SIM2: variants seen among roughly 807,000 people sequenced by gnomAD.
SIM2 encodes the protein single-minded homolog 2.
A neutral mutation model predicts 64.8 loss-of-function variants in SIM2; 28 were observed. That is an observed-to-expected ratio of 0.43 (90% CI 0.32 to 0.59). The LOEUF (loss-of-function observed/expected upper bound fraction) is 0.59, where lower values mean the gene tolerates loss of function less well. Among genes scored for constraint, SIM2 ranks in the 20% least tolerant of loss-of-function variants. SIM2 has a pLI of 0.07. For missense variants in SIM2, 847 were observed against 871.4 expected, an observed-to-expected ratio of 0.97 and a Z score of 0.35; for synonymous variants, 408 against 391.1, an observed-to-expected ratio of 1.04 and a Z score of -0.51.
At position 36,748,780 on chromosome 21, in the gene SIM2, T is replaced by A. The variant is rs2089275227; in HGVS notation, c.*688T>A. 1 of 152,628 alleles carries A rather than the reference T, an allele frequency of 6.6e-6. No individual in the cohort carries two copies. The highest frequency in any genetic ancestry group is 2.1e-4 in the South Asian group (1 of 4,824). 9.5% of individuals were successfully genotyped at this position (152,628 alleles called of 1,614,324 possible). A position where few individuals can be genotyped will look rare whatever the true frequency, so the allele number is the denominator to read the frequency against. On this transcript the variant is annotated 3_prime_UTR_variant, in exon 11 of 11. Transcript: ENST00000290399. ...AGCTCTTACTTCCCCCTAACCCCTA[T>A]GAACTCTTGATAACACCAAGAGTAG...
At chr21:36,701,561 GC>G (rs2088497823) in intron 1 of SIM2, 1 of 152,356 alleles carries the variant, frequency 6.6e-6, no homozygotes, top group Non-Finnish European at 1.5e-5. Context: ...CTACCGCGCG[GC>G]CGCGGGGCGC....
At position 36,747,701 on chromosome 21, in the gene SIM2, C is replaced by T. The variant is rs748139645; in HGVS notation, c.1613C>T (p.Thr538Ile). 16 of 1,284,488 alleles carry T rather than the reference C, an allele frequency of 1.2e-5. No individual in the cohort carries two copies. The South Asian group carries it at 3.6e-4, about 29-fold the overall frequency. The allele number at this position is 1,284,488 out of a possible 1,614,324, so 79.6% of individuals were successfully genotyped here. ...AAAVRRFGEDTAPPSFPSCGH... is the reference protein window; with the variant it reads ...AAAVRRFGEDIAPPSFPSCGH... ...GCCGTGCGCAGGTTCGGCGAGGACA[C>T]CGCGCCCCCGAGCTTCCCGAGCTGC... Residue 538 changes from threonine to isoleucine, a missense_variant, in exon 11 of 11, where the codon ACC (threonine) becomes ATC (isoleucine). Around this residue, in one of 3 missense-constraint regions of SIM2, gnomAD observed 447 missense variants for 414.6 expected, o/e 1.08. Transcript: ENST00000290399. This position sits in a 1 kb window ranked among gnomAD's most constrained non-coding sequence, Gnocchi z 4.5.
At chr21:36,734,567 G>C (rs1463055656) in intron 7 of SIM2, among the ~76,000 whole-genome samples, 1 of 152,206 alleles carries the variant, frequency 6.6e-6, no homozygotes, top group African/African-American at 2.4e-5. Flanking sequence ...CACCATGAGT[G>C]TGCCTGCCTC....
rs571164346 is a variant in SIM2, at chr21:36,702,942, GA to G, written c.175+3034del. ...GACCAGCTTAGGACTCTGGGAGGAAGAAAAAAAAAAAAAGAATAGCATAGTC... is the reference window on the plus strand; with the variant it reads ...GACCAGCTTAGGACTCTGGGAGGAAGAAAAAAAAAAAAGAATAGCATAGTC... On this transcript the variant is annotated intron_variant, in intron 1 of 10. Transcript: ENST00000290399. 2.3e-3 allele frequency among the ~76,000 whole-genome samples: 333 copies of G among 143,244 alleles called. 2 individuals carry two copies. Among genetic ancestry groups the G allele is most frequent in the Non-Finnish European group, 4.0e-3 (262 of 66,240 alleles). The allele number at this position is 143,244 out of a possible 152,430, so 94.0% of individuals were successfully genotyped here.
At position 36,726,807 on chromosome 21, in the gene SIM2, G is replaced by A. The variant is rs539390736; in HGVS notation, c.743+489G>A. 1.8e-3 allele frequency among the ~76,000 whole-genome samples: 268 copies of A among 152,222 alleles called. No homozygotes were observed. Among genetic ancestry groups the A allele is most frequent in the African/African-American group, 5.9e-3 (244 of 41,532 alleles). ...CAGGGCTGAGGCTGGGAGCAGAGACGCTATCTACCCTGGGGGATGCTCTTC... is the reference window on the plus strand; with the variant it reads ...CAGGGCTGAGGCTGGGAGCAGAGACACTATCTACCCTGGGGGATGCTCTTC... On this transcript the variant is annotated intron_variant, in intron 6 of 10. Transcript: ENST00000290399. This position sits in a 1 kb window ranked among gnomAD's most constrained non-coding sequence, Gnocchi z 4.5.
intron 7 of SIM2, among the ~76,000 whole-genome samples, chr21:36,733,167 G>C (rs149424247): frequency 2.0e-5 from 3 of 152,296 alleles, no homozygotes; most frequent in South Asian, 2.1e-4. Flanking sequence ...TCTTCACAGC[G>C]GGCTGAAAGG....
chr21:36,729,332 T>C lies in SIM2; in HGVS notation c.744-1713T>C, dbSNP rs1053691001. 5.9e-5 allele frequency among the ~76,000 whole-genome samples: 9 copies of C among 152,176 alleles called. No individual in the cohort carries two copies. The East Asian group carries it at 1.7e-3, about 30-fold the overall frequency. ...AAGTTCTAGGTGGCCCTTAGGCAAGTTCCCTGAGCCCCGAATGGCTCTGGG... is the reference window on the plus strand; with the variant it reads ...AAGTTCTAGGTGGCCCTTAGGCAAGCTCCCTGAGCCCCGAATGGCTCTGGG... On this transcript the variant is annotated intron_variant, in intron 6 of 10. Transcript: ENST00000290399.
chr21:36,741,797 G>C lies in SIM2; in HGVS notation c.931G>C (p.Ala311Pro). 6.2e-7 allele frequency: 1 copy of C among 1,612,150 alleles called. No homozygotes were observed. Among genetic ancestry groups the C allele is most frequent in the Non-Finnish European group, 8.5e-7 (1 of 1,179,614 alleles). ...CGGCTGGGTGTGGGTGCAGAGCTAC[G>C]CCACCGTGGTGCACAACAGCCGCTC... is the stretch of plus-strand genomic sequence containing the variant. Reference protein sequence around the residue: ...RGGWVWVQSYATVVHNSRSSR... With the variant: ...RGGWVWVQSYPTVVHNSRSSR... The change falls in exon 8 of 11, where the codon GCC becomes CCC. Residue 311 changes from alanine (A) to proline (P), a missense_variant. Physicochemically the swap from Ala to Pro is conservative, Grantham distance 27. This residue lies in a region of SIM2 where 397 missense variants were observed against 439.2 expected (regional missense o/e 0.90). Transcript: ENST00000290399.
At position 36,719,144 on chromosome 21, in the gene SIM2, C is replaced by T. The variant is rs567526425; in HGVS notation, c.349-677C>T. On this transcript the variant is annotated intron_variant, in intron 3 of 10. Transcript: ENST00000290399. Reference sequence around the variant, plus strand: ...CAGGCCCAGACCCTCCCGCAGGGCACGCACAGCCCCAGCCACACCCCTGGG... The same window carrying T: ...CAGGCCCAGACCCTCCCGCAGGGCATGCACAGCCCCAGCCACACCCCTGGG... 3.9e-5 allele frequency among the ~76,000 whole-genome samples: 6 copies of T among 152,228 alleles called. No individual in the cohort carries two copies. In the South Asian group the frequency reaches 6.2e-4, roughly 16 times the overall value.
rs757097933 is a variant in SIM2, at chr21:36,699,701, G to C, written c.-46G>C. On this transcript the variant is annotated 5_prime_UTR_variant, in exon 1 of 11. Coordinates refer to ENST00000290399, the MANE Select transcript of SIM2 (RefSeq NM_005069.6). The surrounding 1 kb of genome is among the most constrained non-coding windows in gnomAD (Gnocchi z 5.6). The stretch of plus-strand genomic sequence containing the variant: ...CGCCGCAGCCCGAGCGGGGCTCCGC[G>C]GGCCTGGAGCACGGCCGGGTCTAAT... 3.2e-6 allele frequency: 5 copies of C among 1,583,636 alleles called. No homozygotes were observed. The highest frequency in any genetic ancestry group is 4.3e-6 in the Non-Finnish European group (5 of 1,166,240).
rs1448063968 is a variant in SIM2 at position 36,709,160 on chromosome 21, T to TC, written c.176-7dup. 1 of 1,605,734 alleles carries TC rather than the reference T, an allele frequency of 6.2e-7. No homozygotes were observed. The highest frequency in any genetic ancestry group is 8.5e-7 in the Non-Finnish European group (1 of 1,177,084). On this transcript the variant is annotated splice_region_variant and splice_polypyrimidine_tract_variant and intron_variant, in intron 1 of 10. Transcript: ENST00000290399. ...CAGTTTACCGATTTGCTTTCGTCCCTCGTCCAGGTTTAGGAGACGCGTGGG... is the reference window on the plus strand; with the variant it reads ...CAGTTTACCGATTTGCTTTCGTCCCTCCGTCCAGGTTTAGGAGACGCGTGGG...
intron 7 of SIM2, among the ~76,000 whole-genome samples, chr21:36,736,388 A>G (rs1017016341): frequency 2.0e-5 from 3 of 152,130 alleles, no homozygotes; most frequent in South Asian, 2.1e-4. Context: ...TGGAGGTAAG[A>G]GGTGGTGGTC....
chr21:36,730,087 G>A (rs964124035), intron 6 of SIM2, among the ~76,000 whole-genome samples: 1 of 152,142 alleles, frequency 6.6e-6, no homozygotes, highest in Non-Finnish European at 1.5e-5. Context: ...GGAGCCTAAA[G>A]GTCCCCAGTT....
chr21:36,706,888 T>C (rs2088591774), intron 1 of SIM2, among the ~76,000 whole-genome samples: 1 of 152,182 alleles, frequency 6.6e-6, no homozygotes, highest in Admixed American at 6.5e-5. Context: ...AGAGAACAAG[T>C]TATCTTGAAC....
chr21:36,745,482 A>G lies in SIM2; in HGVS notation c.1576+346A>G. 1.6e-5 allele frequency: 19 copies of G among 1,170,528 alleles called. No individual in the cohort carries two copies. Among genetic ancestry groups the G allele is most frequent in the Non-Finnish European group, 2.0e-5 (19 of 935,868 alleles). The allele number at this position is 1,170,528 out of a possible 1,614,324, so 72.5% of individuals were successfully genotyped here. A position where few individuals can be genotyped will look rare whatever the true frequency, so the allele number is the denominator to read the frequency against. On this transcript the variant is annotated intron_variant, in intron 10 of 10. Transcript: ENST00000290399. The surrounding 1 kb of genome is among the most constrained non-coding windows in gnomAD (Gnocchi z 4.8). ...CATGTGCTGAGAACACCCCAGCTGC[A>G]TTTCTTTTGCAAGATTCCTTTCCAC... is the stretch of plus-strand genomic sequence containing the variant.
intron 6 of SIM2, among the ~76,000 whole-genome samples, chr21:36,728,598 A>G (rs1319381405): frequency 2.0e-5 from 3 of 152,230 alleles, no homozygotes; most frequent in African/African-American, 7.2e-5. Flanking sequence ...CTTCTAGCAA[A>G]GCCTTGAGGC....
chr21:36,736,845 CTTTTCTTTCTTTCT>C (rs67713621), intron 7 of SIM2, among the ~76,000 whole-genome samples: 87,408 of 143,226 alleles, frequency 0.61, 26,988 homozygotes, highest in East Asian at 0.67. Context: ...CTTTCTCTTT[CTTTTCTTTCTTTCT>C]TTTTCTTTCT....
chr21:36,747,725 G>A lies in SIM2; in HGVS notation c.1637G>A (p.Cys546Tyr). The A allele has an allele frequency of 7.9e-7, 1 of 1,268,240 alleles. No homozygotes were observed. Among genetic ancestry groups the A allele is most frequent in the Non-Finnish European group, 1.0e-6 (1 of 1,004,970 alleles). The allele number at this position is 1,268,240 out of a possible 1,614,324, so 78.6% of individuals were successfully genotyped here. ...ACCGCGCCCCCGAGCTTCCCGAGCT[G>A]CGGCCACTACCGCGAGGAGCCCGCG... Reference protein sequence around the residue: ...EDTAPPSFPSCGHYREEPALG... With the variant: ...EDTAPPSFPSYGHYREEPALG... Residue 546 changes from cysteine to tyrosine, a missense_variant, in exon 11 of 11, where the codon TGC (cysteine) becomes TAC (tyrosine). Around this residue, in one of 3 missense-constraint regions of SIM2, gnomAD observed 447 missense variants for 414.6 expected, o/e 1.08. Coordinates refer to ENST00000290399, the MANE Select transcript of SIM2 (RefSeq NM_005069.6). The surrounding 1 kb of genome is among the most constrained non-coding windows in gnomAD (Gnocchi z 4.5).
intron 6 of SIM2, among the ~76,000 whole-genome samples, chr21:36,728,346 A>C (rs2088920175): frequency 6.6e-6 from 1 of 152,118 alleles, no homozygotes; most frequent in South Asian, 2.1e-4. Flanking sequence ...CAGAGGAGAG[A>C]CCTGAGGGCT....
Sources: allele counts gnomAD v4.1 joint callset (sites outside exome capture counted in the v4.1 genomes callset), GRCh38; gene constraint gnomAD v4.1.1; regional missense constraint gnomAD v4.1.1; non-coding constraint Gnocchi (gnomAD v3.1); transcripts MANE v1.5; gene names NCBI Gene and HGNC (gene_info 2026-07-23, HGNC 2026-07-21).